POMT2: variants seen among roughly 807,000 people sequenced by gnomAD.
The protein encoded by POMT2 is protein O-mannosyl-transferase 2.
A neutral mutation model predicts 100.0 loss-of-function variants in POMT2; 75 were observed. The ratio of observed to expected loss-of-function variants is 0.75; its 90% CI spans 0.62 to 0.91. The LOEUF (loss-of-function observed/expected upper bound fraction) is 0.91. Ranked by LOEUF, POMT2 falls within the 40% of genes least tolerant of loss-of-function variation. POMT2 has a pLI of 0.00. For synonymous variants in POMT2, 378 were observed against 374.1 expected (o/e 1.01, Z -0.12); for missense variants, 940 against 955.1 (o/e 0.98, Z 0.21).
chr14:77,283,278 T>C (rs958032243), intron 15 of POMT2, among the ~76,000 whole-genome samples: 2 of 152,222 alleles, frequency 1.3e-5, no homozygotes, highest in South Asian at 2.1e-4. Context: ...GAATGAACTA[T>C]CAGTATCTCA....
At chr14:77,306,290 T>G in intron 3 of POMT2, 47 bp downstream of exon 3, 1 of 1,606,300 alleles carries the variant, frequency 6.2e-7, no homozygotes, top group South Asian at 1.1e-5. Context: ...TCTGGTTTAG[T>G]GTGGCCCCAG....
chr14:77,284,801 C>T (rs1890359407), intron 14 of POMT2, 149 bp downstream of exon 14: 4 of 714,252 alleles, frequency 5.6e-6, no homozygotes, highest in South Asian at 3.4e-5. Context: ...TATGTAGGTA[C>T]AGACAACTCA....
intron 9 of POMT2, among the ~76,000 whole-genome samples, chr14:77,294,645 TG>T (rs1316236294): frequency 1.3e-5 from 2 of 152,248 alleles, no homozygotes; most frequent in African/African-American, 4.8e-5. Context: ...GGATTTTCTC[TG>T]CACAAGCTCT....
chr14:77,319,579 G>T (rs756499676), intron 1 of POMT2: 3 of 152,230 alleles, frequency 2.0e-5, no homozygotes, highest in Non-Finnish European at 2.9e-5. Context: ...ACAAAGAGGA[G>T]GTCTGCGTAC....
At chr14:77,312,286 A>G (rs1031122165) in intron 1 of POMT2, 3 of 432,044 alleles carry the variant, frequency 6.9e-6, no homozygotes, top group Non-Finnish European at 1.3e-5. Context: ...AGTTAAATAT[A>G]CATATACTTA....
At chr14:77,281,998 A>G (rs376503515) in intron 15 of POMT2, among the ~76,000 whole-genome samples, 1 of 152,198 alleles carries the variant, frequency 6.6e-6, no homozygotes, top group African/African-American at 2.4e-5. Flanking sequence ...CTCCAAGGTC[A>G]AAAGTGCATC....
intron 18 of POMT2, 140 bp downstream of exon 18, chr14:77,279,683 C>T (rs755147872): frequency 2.3e-6 from 2 of 864,538 alleles, no homozygotes; most frequent in Non-Finnish European, 3.7e-6. Flanking sequence ...GGGGTTGTTA[C>T]CTTTCAAAAG....
intron 1 of POMT2, among the ~76,000 whole-genome samples, chr14:77,320,046 CCT>C (rs1403658373): frequency 1.3e-5 from 2 of 152,196 alleles, no homozygotes; most frequent in Non-Finnish European, 2.9e-5. Flanking sequence ...GGTATTTTCT[CCT>C]CTGTTGATGC....
chr14:77,292,282 T>A (rs1890669305), intron 9 of POMT2, among the ~76,000 whole-genome samples: 1 of 152,226 alleles, frequency 6.6e-6, no homozygotes, highest in South Asian at 2.1e-4. Flanking sequence ...AGCATTTTTT[T>A]AGCAACATGG....
chr14:77,285,097 G>C, intron 13 of POMT2, 56 bp from the exon 14 acceptor site: 1 of 1,417,646 alleles, frequency 7.1e-7, no homozygotes, highest in South Asian at 1.2e-5. Flanking sequence ...CCACCAGAGA[G>C]TGACACTGTC....
chr14:77,297,121 G>A (rs2139464316), intron 8 of POMT2, among the ~76,000 whole-genome samples: 1 of 152,372 alleles, frequency 6.6e-6, no homozygotes, highest in South Asian at 2.1e-4. Flanking sequence ...TCGAAGAGGT[G>A]ACAGCTGAAC....
intron 8 of POMT2, 67 bp downstream of exon 8, chr14:77,298,622 C>G (rs1890913938): frequency 6.4e-7 from 1 of 1,553,846 alleles, no homozygotes; most frequent in African/African-American, 1.4e-5. Flanking sequence ...TCATATTTGT[C>G]TTTTCCAATT....
At position 77,317,021 on chromosome 14, in the gene POMT2, C is replaced by T. The variant is rs934963795; in HGVS notation, c.248+3413G>A. ...GACTGGAATCAAACTGCTGATCCAG[C>T]CTGCACCACCAAGACTGCTGCCATA... On this transcript the variant is annotated intron_variant, in intron 1 of 20. Transcript: ENST00000261534. 2.6e-5 allele frequency among the ~76,000 whole-genome samples: 4 copies of T among 152,214 alleles called. No homozygotes were observed. In the South Asian group the frequency reaches 8.3e-4, roughly 32 times the overall value.
chr14:77,280,180 G>C (rs981621557), intron 16 of POMT2, 100 bp from the exon 17 acceptor site: 1 of 1,599,494 alleles, frequency 6.3e-7, no homozygotes, highest in Non-Finnish European at 8.5e-7. Flanking sequence ...CAGGGAGCCT[G>C]GACACGAACC....
At chr14:77,320,031 A>G (rs1242753262) in intron 1 of POMT2, among the ~76,000 whole-genome samples, 3 of 152,176 alleles carry the variant, frequency 2.0e-5, no homozygotes, top group African/African-American at 7.2e-5. Flanking sequence ...AAAGGTACAC[A>G]GTTAGGTATT....
chr14:77,312,076 C>G (rs1466829119), intron 1 of POMT2, 43 bp from the exon 2 acceptor site: 1 of 1,603,902 alleles, frequency 6.2e-7, no homozygotes, highest in Non-Finnish European at 8.5e-7. Context: ...TTAAAATTAT[C>G]ATAAAATCCA....
chr14:77,308,483 G>A (rs1891311413), intron 2 of POMT2, among the ~76,000 whole-genome samples: 1 of 149,248 alleles, frequency 6.7e-6, no homozygotes, highest in East Asian at 2.1e-4. Flanking sequence ...AGCCTCCCAA[G>A]TAGCTAGGAT....
rs925717178 is a variant in POMT2 at position 77,284,890 on chromosome 14, G to A, written c.1576+60C>T. ...AGTTTACAAACGCTTACTTTTCTAA[G>A]ATAAGGGTTTCTTATAAATGCTTCC... On this transcript the variant is annotated intron_variant, in intron 14 of 20. Coordinates refer to ENST00000261534, the MANE Select transcript of POMT2 (RefSeq NM_013382.7). The A allele has an allele frequency of 2.1e-6, 3 of 1,430,786 alleles. No individual in the cohort carries two copies. The African/African-American group carries it at 4.2e-5, about 20-fold the overall frequency. The allele number at this position is 1,430,786 out of a possible 1,614,324, so 88.6% of individuals were successfully genotyped here.
At chr14:77,303,516 C>A (rs1891125587) in intron 4 of POMT2, among the ~76,000 whole-genome samples, 1 of 152,172 alleles carries the variant, frequency 6.6e-6, no homozygotes, top group Admixed American at 6.6e-5. Flanking sequence ...CCTCATCTCC[C>A]AACACCCTCT....
Sources: gnomAD v4.1 joint callset for allele counts (sites outside exome capture counted in the v4.1 genomes callset) on GRCh38, gnomAD v4.1.1 for gene constraint, MANE v1.5 for transcripts, NCBI Gene and HGNC (gene_info 2026-07-23, HGNC 2026-07-21) for gene names.